CDKN2B-AS1: variants seen among roughly 807,000 people sequenced by gnomAD.
CDKN2B-AS1 encodes the protein CDKN2B and CDKN2A antisense cis and trans regulatory RNA 1, also known as CDKN2B antisense RNA 1 (non-protein coding).
intron 1 of CDKN2B-AS1, among the ~76,000 whole-genome samples, chr9:22,044,805 C>T (rs13290048): frequency 1.5e-3 from 224 of 151,840 alleles, no homozygotes; most frequent in Middle Eastern, 3.4e-3. Flanking sequence ...GTTTAACCCA[C>T]ATTTGTCATC....
At chr9:22,108,283 G>T (rs1825710834) in intron 4 of CDKN2B-AS1, among the ~76,000 whole-genome samples, 1 of 152,200 alleles carries the variant, frequency 6.6e-6, no homozygotes, top group Non-Finnish European at 1.5e-5. Context: ...GTTTTAGGTA[G>T]ACTGGGTACT....
intron 1 of CDKN2B-AS1, among the ~76,000 whole-genome samples, chr9:22,027,824 T>A (rs968811732): frequency 5.3e-5 from 8 of 151,886 alleles, no homozygotes; most frequent in Non-Finnish European, 1.0e-4. Flanking sequence ...ATATTGATGC[T>A]GTAAGGAAAG....
intron 1 of CDKN2B-AS1, among the ~76,000 whole-genome samples, chr9:22,045,764 T>A (rs759037417): frequency 4.6e-5 from 7 of 152,124 alleles, no homozygotes; most frequent in Non-Finnish European, 1.0e-4. Flanking sequence ...CATATAGACT[T>A]AGCAGTATGC....
chr9:22,036,582 A>G (rs916474623), intron 1 of CDKN2B-AS1, among the ~76,000 whole-genome samples: 2 of 152,074 alleles, frequency 1.3e-5, no homozygotes, highest in Non-Finnish European at 2.9e-5. Context: ...GAGATATTCT[A>G]TAATTTATTT....
chr9:22,120,874 T>C (rs1397776228), intron 4 of CDKN2B-AS1: 1 of 152,058 alleles, frequency 6.6e-6, no homozygotes, highest in Non-Finnish European at 1.5e-5. Flanking sequence ...GTCTAGGCAT[T>C]TTACATGTGT....
intron 4 of CDKN2B-AS1, among the ~76,000 whole-genome samples, chr9:22,084,104 C>T (rs1383251462): frequency 2.0e-5 from 3 of 152,072 alleles, no homozygotes; most frequent in Non-Finnish European, 2.9e-5. Flanking sequence ...TGGATTCACA[C>T]CAACAATTGT....
chr9:22,095,437 A>C (rs1217303647), intron 4 of CDKN2B-AS1, among the ~76,000 whole-genome samples: 2 of 145,242 alleles, frequency 1.4e-5, no homozygotes, highest in African/African-American at 2.8e-5. Context: ...TCTAGTTTGC[A>C]CTGTGGTCTG....
intron 4 of CDKN2B-AS1, among the ~76,000 whole-genome samples, chr9:22,060,896 G>A (rs1417267975): frequency 2.0e-5 from 3 of 152,094 alleles, no homozygotes; most frequent in African/African-American, 4.8e-5. Flanking sequence ...AGAATAGCAC[G>A]AGAAAGATCG....
chr9:22,008,043 T>TA (rs1245230653), intron 1 of CDKN2B-AS1, among the ~76,000 whole-genome samples: 1 of 152,096 alleles, frequency 6.6e-6, no homozygotes, highest in African/African-American at 2.4e-5. Context: ...GTAAAAGAAA[T>TA]AAAAAATATC....
Position 22,064,308 on chromosome 9 carries a change from G to T in CDKN2B-AS1, n.438+7921G>T, listed in dbSNP as rs529759242. ...GTGGAAGTGTGGTGGTCCTAAAGTG[G>T]CATTAAGGAGCCAATAAATTGTCAT... On this transcript the variant is annotated intron_variant and non_coding_transcript_variant, in intron 4 of 4. Transcript: ENST00000650946. 2.7e-3 allele frequency among the ~76,000 whole-genome samples: 412 copies of T among 152,250 alleles called. 2 individuals carry two copies. Among genetic ancestry groups the T allele is most frequent in the Non-Finnish European group, 4.4e-3 (302 of 68,028 alleles).
intron 4 of CDKN2B-AS1, among the ~76,000 whole-genome samples, chr9:22,070,707 C>G (rs1824252483): frequency 6.6e-6 from 1 of 152,144 alleles, no homozygotes; most frequent in Non-Finnish European, 1.5e-5. Flanking sequence ...AGTTACCGGT[C>G]CCAGCCATGA....
chr9:22,017,646 A>G (rs1821830259), intron 1 of CDKN2B-AS1, among the ~76,000 whole-genome samples: 1 of 152,242 alleles, frequency 6.6e-6, no homozygotes, highest in Admixed American at 6.5e-5. Context: ...TTGTCACATC[A>G]GTAATGTACA....
At chr9:22,002,282 G>C (rs1391759232) in intron 1 of CDKN2B-AS1, among the ~76,000 whole-genome samples, 1 of 152,004 alleles carries the variant, frequency 6.6e-6, no homozygotes, top group Non-Finnish European at 1.5e-5. Context: ...GTTCACATGA[G>C]TGCTTCTTCA....
intron 1 of CDKN2B-AS1, among the ~76,000 whole-genome samples, chr9:22,032,000 C>T (rs1270439804): frequency 6.6e-6 from 1 of 152,210 alleles, no homozygotes; most frequent in Non-Finnish European, 1.5e-5. Flanking sequence ...TACCAACAGC[C>T]AGTTGTGTTA....
At chr9:22,026,982 G>C (rs1243493352) in intron 1 of CDKN2B-AS1, among the ~76,000 whole-genome samples, 3 of 152,114 alleles carry the variant, frequency 2.0e-5, no homozygotes, top group African/African-American at 7.2e-5. Context: ...TCCCAAGTGG[G>C]CTGTCTTCCT....
chr9:22,092,234 T>C (rs1231997253), intron 4 of CDKN2B-AS1: 4 of 152,216 alleles, frequency 2.6e-5, no homozygotes, highest in Non-Finnish European at 5.9e-5. Flanking sequence ...CAGTATTTTA[T>C]TGAAGATTTT....
At chr9:22,046,544 T>C (rs1052487638) in intron 1 of CDKN2B-AS1, 1 of 152,182 alleles carries the variant, frequency 6.6e-6, no homozygotes, top group Non-Finnish European at 1.5e-5. Flanking sequence ...GGCATTGGCA[T>C]CTGTACTAGA....
chr9:22,118,436 A>G (rs1163097507), intron 4 of CDKN2B-AS1: 3 of 152,176 alleles, frequency 2.0e-5, no homozygotes, highest in Non-Finnish European at 2.9e-5. Context: ...AAAAATCTCA[A>G]AGATGTCAAT....
At position 22,127,689 on chromosome 9, in the gene CDKN2B-AS1, G is replaced by A. The variant is rs139296368; in HGVS notation, n.1025G>A. On this transcript the variant is annotated non_coding_transcript_exon_variant, in exon 5 of 5. Transcript: ENST00000650946. ...GAGAGTGAGGAAGGGAGACAGGAGG[G>A]TCCCAAATACGAACTTTGACTTAAC... 2.6e-3 allele frequency among the ~76,000 whole-genome samples: 397 copies of A among 152,250 alleles called. 1 individual carries two copies. Among genetic ancestry groups the A allele is most frequent in the African/African-American group, 9.1e-3 (378 of 41,540 alleles).
Sources: allele counts gnomAD v4.1 joint callset (sites outside exome capture counted in the v4.1 genomes callset), GRCh38; gene constraint gnomAD v4.1.1; transcripts MANE v1.5; gene names NCBI Gene and HGNC (gene_info 2026-07-23, HGNC 2026-07-21).